Variants in GPATCH8 observed in about 807,000 individuals in gnomAD.
The protein encoded by GPATCH8 is G-patch domain containing 8, also known as G patch domain-containing protein 8.
In GPATCH8, 18 loss-of-function variants were observed where a neutral mutation model predicts 118.3. That is an observed-to-expected ratio of 0.15 (90% CI 0.11 to 0.23). GPATCH8 has a LOEUF of 0.23. Ranked by LOEUF, GPATCH8 falls within the 10% of genes least tolerant of loss-of-function variation. GPATCH8 has a pLI of 1.00. For missense variants in GPATCH8, 1,631 were observed against 1,873.8 expected (o/e 0.87, Z 2.39); for synonymous variants, 659 against 684.7 (o/e 0.96, Z 0.59).
At chr17:44,421,812 C>T (rs192223100) in intron 6 of GPATCH8, among the ~76,000 whole-genome samples, 33 of 151,868 alleles carry the variant, frequency 2.2e-4, no homozygotes, top group East Asian at 2.1e-3. Flanking sequence ...CCACAAAATC[C>T]GCCTCCCAGG....
At chr17:44,427,132 G>A (rs1216224229) in intron 5 of GPATCH8, among the ~76,000 whole-genome samples, 2 of 151,248 alleles carry the variant, frequency 1.3e-5, no homozygotes, top group African/African-American at 2.4e-5. Context: ...CTGGAGTGCA[G>A]TAGTGCAATT....
Position 44,397,243 on chromosome 17 carries a change from A to G in GPATCH8, c.*325T>C, listed in dbSNP as rs547168928. On this transcript the variant is annotated 3_prime_UTR_variant, in exon 8 of 8. Transcript: ENST00000591680. ...ACAGAAGGGAAGAGCAGAGGAAAAA[A>G]GCAGAGGGAGGAGGGGATTATCTAA... The G allele has an allele frequency of 5.6e-5, 29 of 515,994 alleles. 1 individual carries two copies. The Admixed American group carries it at 6.5e-4, about 12-fold the overall frequency. 32.0% of individuals were successfully genotyped at this position (515,994 alleles called of 1,614,324 possible). A position where few individuals can be genotyped will look rare whatever the true frequency, so the allele number is the denominator to read the frequency against.
At position 44,397,344 on chromosome 17, in the gene GPATCH8, G is replaced by T. The variant is rs887491268; in HGVS notation, c.*224C>A. ...TGTTCCCTAGCTTAGAAACACAGAA[G>T]AGGGAGGGACAAATTGAGAGGAGGA... On this transcript the variant is annotated 3_prime_UTR_variant, in exon 8 of 8. Coordinates refer to ENST00000591680, the MANE Select transcript of GPATCH8 (RefSeq NM_001002909.4). The T allele has an allele frequency of 1.5e-6, 1 of 678,910 alleles. No homozygotes were observed. Among genetic ancestry groups the T allele is most frequent in the Non-Finnish European group, 2.7e-6 (1 of 371,042 alleles). The allele number at this position is 678,910 out of a possible 1,614,324, so 42.1% of individuals were successfully genotyped here. A position where few individuals can be genotyped will look rare whatever the true frequency, so the allele number is the denominator to read the frequency against.
chr17:44,416,519 G>A (rs1466607899), intron 6 of GPATCH8, among the ~76,000 whole-genome samples: 1 of 152,090 alleles, frequency 6.6e-6, no homozygotes, highest in Non-Finnish European at 1.5e-5. Context: ...CAGTGGTATA[G>A]AATACCACTG....
At chr17:44,457,088 C>A (rs1434158483) in intron 3 of GPATCH8, among the ~76,000 whole-genome samples, 1 of 152,126 alleles carries the variant, frequency 6.6e-6, no homozygotes, top group African/African-American at 2.4e-5. Flanking sequence ...GTCTTGAACT[C>A]CTGACCTCAG....
intron 3 of GPATCH8, among the ~76,000 whole-genome samples, chr17:44,442,277 A>G (rs1230059706): frequency 6.6e-6 from 1 of 151,426 alleles, no homozygotes; most frequent in Non-Finnish European, 1.5e-5. Flanking sequence ...AAATAGGCAA[A>G]ATAGAGTAAT....
Position 44,396,512 on chromosome 17 carries a change from A to C in GPATCH8, c.*1056T>G, listed in dbSNP as rs371861723. ...TATAGTTCATAACTTCAAAAAATAC[A>C]TAAGTTTGGTAAAATATACATGCTT... On this transcript the variant is annotated 3_prime_UTR_variant, in exon 8 of 8. Coordinates refer to ENST00000591680, the MANE Select transcript of GPATCH8 (RefSeq NM_001002909.4). 1 of 452,862 alleles carries C rather than the reference A, an allele frequency of 2.2e-6. No homozygotes were observed. The highest frequency in any genetic ancestry group is 2.4e-5 in the Admixed American group (1 of 42,304). The allele number at this position is 452,862 out of a possible 1,614,324, so 28.1% of individuals were successfully genotyped here. A position where few individuals can be genotyped will look rare whatever the true frequency, so the allele number is the denominator to read the frequency against.
At chr17:44,406,497 G>GT (rs1555622798) in intron 6 of GPATCH8, among the ~76,000 whole-genome samples, 19 of 5,364 alleles carry the variant, frequency 3.5e-3, no homozygotes, top group Non-Finnish European at 1.7e-3. Context: ...CAGCTTACAT[G>GT]GGGGGGGGGG....
At chr17:44,420,354 A>G (rs181225550) in intron 6 of GPATCH8, among the ~76,000 whole-genome samples, 166 of 152,360 alleles carry the variant, frequency 1.1e-3, no homozygotes, top group Non-Finnish European at 2.0e-3. Flanking sequence ...TGACACCACA[A>G]TATCATATAT....
intron 1 of GPATCH8, among the ~76,000 whole-genome samples, chr17:44,490,072 T>C (rs1055058038): frequency 6.6e-6 from 1 of 152,112 alleles, no homozygotes; most frequent in Non-Finnish European, 1.5e-5. Flanking sequence ...GGAAGCCAAG[T>C]GGATCTCTTG....
At chr17:44,412,479 T>C (rs2049480415) in intron 6 of GPATCH8, among the ~76,000 whole-genome samples, 2 of 151,852 alleles carry the variant, frequency 1.3e-5, no homozygotes, top group African/African-American at 4.8e-5. Flanking sequence ...CTCCACCTCC[T>C]GAGTTCAAGT....
intron 3 of GPATCH8, among the ~76,000 whole-genome samples, chr17:44,449,276 C>CA (rs1441213407): frequency 6.6e-6 from 1 of 152,034 alleles, no homozygotes; most frequent in Non-Finnish European, 1.5e-5. Context: ...AAACTGTCTC[C>CA]AAAAAATAAA....
intron 1 of GPATCH8, among the ~76,000 whole-genome samples, chr17:44,501,320 G>A (rs1361294593): frequency 1.3e-5 from 2 of 151,982 alleles, no homozygotes; most frequent in Non-Finnish European, 2.9e-5. Context: ...GGGAGGCTGA[G>A]GCAGAAGAAT....
chr17:44,453,153 A>T (rs2051179226), intron 3 of GPATCH8, among the ~76,000 whole-genome samples: 1 of 152,144 alleles, frequency 6.6e-6, no homozygotes, highest in Non-Finnish European at 1.5e-5. Context: ...TTCTGGCTGT[A>T]AGTCTATACC....
At chr17:44,464,782 G>A in intron 2 of GPATCH8, 2 of 499,766 alleles carry the variant, frequency 4.0e-6, no homozygotes, top group Non-Finnish European at 3.6e-6. Flanking sequence ...GGTGTGTTGG[G>A]CAACTTTTGT....
In GPATCH8 at chr17:44,400,763, A is replaced by G. The variant is rs763636101; in HGVS notation, c.1314T>C (p.Ser438=). ...PKNAPESKKG[S]SPKPKSCIKA... ...TGATGCAGCTTTTAGGCTTGGGAGA[A>G]CTGCCTTTTTTACTCTCTGGGGCAT... Residue 438 remains serine (S), a synonymous_variant, in exon 8 of 8, where the codon AGT becomes AGC. Transcript: ENST00000591680. The G allele has an allele frequency of 6.2e-7, 1 of 1,613,924 alleles. No homozygotes were observed. Among genetic ancestry groups the G allele is most frequent in the Admixed American group, 1.7e-5 (1 of 59,998 alleles).
chr17:44,436,475 T>C lies in GPATCH8; in HGVS notation c.261+3A>G, dbSNP rs1311774775. The C allele has an allele frequency of 7.9e-7, 1 of 1,271,206 alleles. No homozygotes were observed. The highest frequency in any genetic ancestry group is 1.2e-6 in the Non-Finnish European group (1 of 866,656). The allele number at this position is 1,271,206 out of a possible 1,614,324, so 78.7% of individuals were successfully genotyped here. ...AACTTATGAGTTAATGAGATCAATT[T>C]ACCTCCATTTCCATGCGACCCATGC... On this transcript the variant is annotated splice_donor_region_variant and intron_variant, in intron 4 of 7. Transcript: ENST00000591680.
chr17:44,485,556 T>C (rs1381623127), intron 1 of GPATCH8, among the ~76,000 whole-genome samples: 1 of 152,208 alleles, frequency 6.6e-6, no homozygotes, highest in Non-Finnish European at 1.5e-5. Context: ...CCTCCCAAAG[T>C]GCTGGGATTC....
chr17:44,424,637 C>T, intron 5 of GPATCH8, 145 bp from the exon 6 acceptor site: 3 of 677,436 alleles, frequency 4.4e-6, no homozygotes, highest in East Asian at 2.7e-5. Context: ...GGATGAAACA[C>T]AAGTGGTACT....
Sources: gnomAD v4.1 joint callset for allele counts (sites outside exome capture counted in the v4.1 genomes callset) on GRCh38, gnomAD v4.1.1 for gene constraint, MANE v1.5 for transcripts, NCBI Gene and HGNC (gene_info 2026-07-23, HGNC 2026-07-21) for gene names.